AGPAT4: variants seen among roughly 807,000 people sequenced by gnomAD.
The protein encoded by AGPAT4 is 1-acylglycerol-3-phosphate O-acyltransferase 4, also known as 1-acyl-sn-glycerol-3-phosphate acyltransferase delta.
In AGPAT4, 15 loss-of-function variants were observed where a neutral mutation model predicts 48.0. The observed-to-expected ratio is 0.31, with a 90% CI of 0.21 to 0.48. AGPAT4 has a LOEUF of 0.48. Ranked by LOEUF, AGPAT4 falls within the 20% of genes least tolerant of loss-of-function variation. The pLI, the probability that AGPAT4 is intolerant of heterozygous loss-of-function variation, is 0.99. For synonymous variants in AGPAT4, 178 were observed against 198.7 expected, an observed-to-expected ratio of 0.90 and a Z score of 0.88; for missense variants, 314 against 482.5, an observed-to-expected ratio of 0.65 and a Z score of 3.27.
intron 2 of AGPAT4, among the ~76,000 whole-genome samples, chr6:161,227,903 C>A (rs1782026330): frequency 6.6e-6 from 1 of 151,688 alleles, no homozygotes; most frequent in African/African-American, 2.4e-5. Context: ...TAACAACTTC[C>A]CAAGAGGAAA....
rs1258003560 is a variant in AGPAT4, at chr6:161,132,476, C to G, written c.*4064G>C. 2.0e-5 allele frequency: 3 copies of G among 152,380 alleles called. No individual in the cohort carries two copies. Among genetic ancestry groups the G allele is most frequent in the Non-Finnish European group, 4.4e-5 (3 of 68,156 alleles). The allele number at this position is 152,380 out of a possible 1,614,324, so 9.4% of individuals were successfully genotyped here. Reference sequence around the variant, plus strand: ...ATGTGGTGCACCTGCAGATGCCGCACTCAGCAGCCTGGAATGCCAGCTCTC... The same window carrying G: ...ATGTGGTGCACCTGCAGATGCCGCAGTCAGCAGCCTGGAATGCCAGCTCTC... On this transcript the variant is annotated 3_prime_UTR_variant, in exon 9 of 9. Coordinates refer to ENST00000320285, the MANE Select transcript of AGPAT4 (RefSeq NM_020133.3).
chr6:161,153,307 C>G, intron 5 of AGPAT4, 39 bp downstream of exon 5: 1 of 1,576,394 alleles, frequency 6.3e-7, no homozygotes, highest in African/African-American at 1.3e-5. Flanking sequence ...GTCTTCCTCG[C>G]TGCCACGGGG....
Position 161,169,726 on chromosome 6 carries a change from A to T in AGPAT4, c.179-3309T>A, listed in dbSNP as rs1338140074. Reference sequence around the variant, plus strand: ...TGTAAAATGATTCAAACAACCCAGAAGTATGTACAAGAAAATATAAAATTC... The same window carrying T: ...TGTAAAATGATTCAAACAACCCAGATGTATGTACAAGAAAATATAAAATTC... On this transcript the variant is annotated intron_variant, in intron 2 of 8. Coordinates refer to ENST00000320285, the MANE Select transcript of AGPAT4 (RefSeq NM_020133.3). This position sits in a 1 kb window ranked among gnomAD's most constrained non-coding sequence, Gnocchi z 5.0. Among the ~76,000 whole-genome samples the T allele has an allele frequency of 1.3e-5, 2 of 152,224 alleles. No homozygotes were observed. The highest frequency in any genetic ancestry group is 2.9e-5 in the Non-Finnish European group (2 of 68,032).
In AGPAT4 at chr6:161,214,094, C is replaced by T. The variant is rs1346569955; in HGVS notation, c.178+17942G>A. On this transcript the variant is annotated intron_variant, in intron 2 of 8. Coordinates refer to ENST00000320285, the MANE Select transcript of AGPAT4 (RefSeq NM_020133.3). This position sits in a 1 kb window ranked among gnomAD's most constrained non-coding sequence, Gnocchi z 5.4. ...TCTTACTGCCTCCTTTGGAGAGGCTCATCAGAAACTCAAAAGAATGCTACC... is the reference window on the plus strand; with the variant it reads ...TCTTACTGCCTCCTTTGGAGAGGCTTATCAGAAACTCAAAAGAATGCTACC... Among the ~76,000 whole-genome samples the T allele has an allele frequency of 6.6e-6, 1 of 152,212 alleles. No homozygotes were observed. Among genetic ancestry groups the T allele is most frequent in the Non-Finnish European group, 1.5e-5 (1 of 68,038 alleles).
In AGPAT4 at chr6:161,132,195, G is replaced by A. The variant is rs1215663994; in HGVS notation, c.*4345C>T. 1 of 151,980 alleles carries A rather than the reference G, an allele frequency of 6.6e-6. No homozygotes were observed. The highest frequency in any genetic ancestry group is 2.4e-5 in the African/African-American group (1 of 41,362). 9.4% of individuals were successfully genotyped at this position (151,980 alleles called of 1,614,324 possible). ...ATGTGACTTCAGCTTCATTCATCCT[G>A]GCCAAACAAAAAAAGTTCAAAAAAT... On this transcript the variant is annotated 3_prime_UTR_variant, in exon 9 of 9. Transcript: ENST00000320285.
At chr6:161,239,055 A>G (rs192008725) in intron 1 of AGPAT4, among the ~76,000 whole-genome samples, 3 of 152,324 alleles carry the variant, frequency 2.0e-5, no homozygotes, top group African/African-American at 7.2e-5. Context: ...TGCAAGCGAG[A>G]CAAACGCTCT....
chr6:161,150,819 T>C (rs112010692), intron 5 of AGPAT4, among the ~76,000 whole-genome samples: 1,729 of 152,308 alleles, frequency 0.011, 37 homozygotes, highest in African/African-American at 0.04. Context: ...GGAACAGCTG[T>C]TCAGGCTGTG....
Position 161,140,673 on chromosome 6 carries a change from G to T in AGPAT4, c.844-1053C>A, listed in dbSNP as rs921116117. On this transcript the variant is annotated intron_variant, in intron 7 of 8. Transcript: ENST00000320285. This position sits in a 1 kb window ranked among gnomAD's most constrained non-coding sequence, Gnocchi z 6.5. ...GCTGAGCTGAGCCAGGACCTGGGGG[G>T]AACAAGGAGCTGTGGCACCAGGATG... Among the ~76,000 whole-genome samples, 1 of 152,210 alleles carries T rather than the reference G, an allele frequency of 6.6e-6. No individual in the cohort carries two copies. The highest frequency in any genetic ancestry group is 1.5e-5 in the Non-Finnish European group (1 of 68,026).
rs1367104462 is a variant in AGPAT4 at position 161,137,382 on chromosome 6, A to G, written c.1043-748T>C. On this transcript the variant is annotated intron_variant, in intron 8 of 8. Transcript: ENST00000320285. The surrounding 1 kb of genome is among the most constrained non-coding windows in gnomAD (Gnocchi z 6.1). Reference sequence around the variant, plus strand: ...TACATGCTTAAGAATGGATAGACGAATAAGTGAATGAAATCCCCCAAATCA... The same window carrying G: ...TACATGCTTAAGAATGGATAGACGAGTAAGTGAATGAAATCCCCCAAATCA... 2.0e-5 allele frequency among the ~76,000 whole-genome samples: 3 copies of G among 152,230 alleles called. No homozygotes were observed. Among genetic ancestry groups the G allele is most frequent in the South Asian group, 2.1e-4 (1 of 4,836 alleles).
In AGPAT4 at chr6:161,165,769, A is replaced by G. The variant is rs1780079890; in HGVS notation, c.348+479T>C. The G allele has an allele frequency of 1.6e-6, 1 of 634,356 alleles. No homozygotes were observed. The highest frequency in any genetic ancestry group is 2.7e-6 in the Non-Finnish European group (1 of 369,380). The allele number at this position is 634,356 out of a possible 1,614,324, so 39.3% of individuals were successfully genotyped here. On this transcript the variant is annotated intron_variant, in intron 3 of 8. Transcript: ENST00000320285. The surrounding 1 kb of genome is among the most constrained non-coding windows in gnomAD (Gnocchi z 5.5). ...AGAATAATTCTGAATTTTGCAGTTC[A>G]CTCTCTCACTTATGGACTCAAAGTT...
Position 161,166,476 on chromosome 6 carries a change from G to C in AGPAT4, c.179-59C>G. The C allele has an allele frequency of 1.3e-6, 2 of 1,525,040 alleles. No individual in the cohort carries two copies. Among genetic ancestry groups the C allele is most frequent in the Non-Finnish European group, 1.8e-6 (2 of 1,138,336 alleles). The allele number at this position is 1,525,040 out of a possible 1,614,324, so 94.5% of individuals were successfully genotyped here. On this transcript the variant is annotated intron_variant, in intron 2 of 8. Transcript: ENST00000320285. This position sits in a 1 kb window ranked among gnomAD's most constrained non-coding sequence, Gnocchi z 6.7. ...CATGCAGCCTTGTCCTGGGAGCCCT[G>C]CTGAGAGCAGGGCTCTGCCCTCCCA...
rs1483819982 is a variant in AGPAT4, at chr6:161,204,120, TACTC to T, written c.178+27912_178+27915del. 1.3e-5 allele frequency among the ~76,000 whole-genome samples: 2 copies of T among 152,204 alleles called. No homozygotes were observed. The highest frequency in any genetic ancestry group is 2.9e-5 in the Non-Finnish European group (2 of 68,036). The stretch of plus-strand genomic sequence containing the variant: ...CTTTACCTTCTCAAGACTAAACACA[TACTC>T]AGGAATGTGTGCTTAAAAAAACTTA... On this transcript the variant is annotated intron_variant, in intron 2 of 8. Coordinates refer to ENST00000320285, the MANE Select transcript of AGPAT4 (RefSeq NM_020133.3). The surrounding 1 kb of genome is among the most constrained non-coding windows in gnomAD (Gnocchi z 4.4).
intron 2 of AGPAT4, among the ~76,000 whole-genome samples, chr6:161,181,467 C>G (rs2114992667): frequency 6.7e-6 from 1 of 149,318 alleles, no homozygotes; most frequent in South Asian, 2.1e-4. Flanking sequence ...GGAAACCTCC[C>G]CTGGGTATTA....
rs1375144242 is a variant in AGPAT4, at chr6:161,219,872, T to TAGATAGATAGATAGAG, written c.178+12163_178+12164insCTCTATCTATCTATCT. Among the ~76,000 whole-genome samples, 1 of 121,166 alleles carries TAGATAGATAGATAGAG rather than the reference T, an allele frequency of 8.3e-6. No homozygotes were observed. The highest frequency in any genetic ancestry group is 1.9e-5 in the Non-Finnish European group (1 of 53,806). 79.5% of individuals were successfully genotyped at this position (121,166 alleles called of 152,430 possible). A position where few individuals can be genotyped will look rare whatever the true frequency, so the allele number is the denominator to read the frequency against. ...ATAGATAGATAGATAGATAGATAGA[T>TAGATAGATAGATAGAG]AGGCAGGCAGGCAGGCAGGCAGGCA... On this transcript the variant is annotated intron_variant, in intron 2 of 8. Transcript: ENST00000320285. The surrounding 1 kb of genome is among the most constrained non-coding windows in gnomAD (Gnocchi z 4.9).
At position 161,221,752 on chromosome 6, in the gene AGPAT4, C is replaced by T. The variant is rs1219800081; in HGVS notation, c.178+10284G>A. On this transcript the variant is annotated intron_variant, in intron 2 of 8. Coordinates refer to ENST00000320285, the MANE Select transcript of AGPAT4 (RefSeq NM_020133.3). The surrounding 1 kb of genome is among the most constrained non-coding windows in gnomAD (Gnocchi z 4.5). ...GGAGGATCTGTGTCACAGCTCTCTC[C>T]CAGCGGCTGGGAGCCAGGTGTTCCT... 6.6e-6 allele frequency among the ~76,000 whole-genome samples: 1 copy of T among 152,188 alleles called. No individual in the cohort carries two copies. The highest frequency in any genetic ancestry group is 6.5e-5 in the Admixed American group (1 of 15,278).
In AGPAT4 at chr6:161,235,931, A is replaced by G. The variant is rs572046749; in HGVS notation, c.-89-3629T>C. The stretch of plus-strand genomic sequence containing the variant: ...CAGGGACACAGATACAAACCATATC[A>G]GCTTCTTTCCCATCTTGAATAAAAC... On this transcript the variant is annotated intron_variant, in intron 1 of 8. Coordinates refer to ENST00000320285, the MANE Select transcript of AGPAT4 (RefSeq NM_020133.3). The surrounding 1 kb of genome is among the most constrained non-coding windows in gnomAD (Gnocchi z 6.2). Among the ~76,000 whole-genome samples the G allele has an allele frequency of 6.6e-6, 1 of 152,356 alleles. No homozygotes were observed. The highest frequency in any genetic ancestry group is 2.4e-5 in the African/African-American group (1 of 41,580).
At position 161,178,827 on chromosome 6, in the gene AGPAT4, T is replaced by C. The variant is rs1034695277; in HGVS notation, c.179-12410A>G. ...AATTTTGCAGATGTTGTTTTGACTG[T>C]GCTGCTCTCTGAGGGCTCAGTGAAT... On this transcript the variant is annotated intron_variant, in intron 2 of 8. Transcript: ENST00000320285. The surrounding 1 kb of genome is among the most constrained non-coding windows in gnomAD (Gnocchi z 5.1). 3.3e-5 allele frequency among the ~76,000 whole-genome samples: 5 copies of C among 152,246 alleles called. No homozygotes were observed. The highest frequency in any genetic ancestry group is 5.9e-5 in the Non-Finnish European group (4 of 68,044).
At position 161,240,645 on chromosome 6, in the gene AGPAT4, C is replaced by T. The variant is rs1554239109; in HGVS notation, c.-89-8343G>A. Among the ~76,000 whole-genome samples the T allele has an allele frequency of 6.6e-6, 1 of 152,206 alleles. No homozygotes were observed. Among genetic ancestry groups the T allele is most frequent in the Non-Finnish European group, 1.5e-5 (1 of 68,038 alleles). ...CTCCAGGACACAGAATCCCCAGGTACTGCGGTGCCCACAGAGGAGAGGGGA... is the reference window on the plus strand; with the variant it reads ...CTCCAGGACACAGAATCCCCAGGTATTGCGGTGCCCACAGAGGAGAGGGGA... On this transcript the variant is annotated intron_variant, in intron 1 of 8. Coordinates refer to ENST00000320285, the MANE Select transcript of AGPAT4 (RefSeq NM_020133.3). The surrounding 1 kb of genome is among the most constrained non-coding windows in gnomAD (Gnocchi z 5.5).
rs551858212 is a variant in AGPAT4 at position 161,265,118 on chromosome 6, C to T, written c.-90+8820G>A. Among the ~76,000 whole-genome samples the T allele has an allele frequency of 3.3e-5, 5 of 151,870 alleles. No homozygotes were observed. The South Asian group carries it at 1.0e-3, about 32-fold the overall frequency. On this transcript the variant is annotated intron_variant, in intron 1 of 8. Coordinates refer to ENST00000320285, the MANE Select transcript of AGPAT4 (RefSeq NM_020133.3). ...CTGGACTGGGTGGTGGATTAGTACC[C>T]ACTGCTGGACTGGGTGCTGGATTAG...
Sources: gnomAD v4.1 joint callset for allele counts (sites outside exome capture counted in the v4.1 genomes callset) on GRCh38, gnomAD v4.1.1 for gene constraint, Gnocchi (gnomAD v3.1) non-coding constraint, MANE v1.5 for transcripts, NCBI Gene and HGNC (gene_info 2026-07-23, HGNC 2026-07-21) for gene names.